RCAN1: variants seen among roughly 807,000 people sequenced by gnomAD.
RCAN1 encodes the protein calcipressin-1.
Under a neutral mutation model 22.9 loss-of-function variants are expected in RCAN1, and 11 were observed. The observed-to-expected ratio is 0.48, with a 90% CI of 0.30 to 0.79. The LOEUF is 0.79. Among genes scored for constraint, RCAN1 ranks in the 30% least tolerant of loss-of-function variants. RCAN1 has a pLI of 0.06. For missense variants in RCAN1, 291 were observed against 337.8 expected (o/e 0.86, Z 1.09); for synonymous variants, 136 against 142.3 (o/e 0.96, Z 0.32).
At chr21:34,543,376 C>T (rs74677780) in intron 1 of RCAN1, among the ~76,000 whole-genome samples, 22,560 of 152,004 alleles carry the variant, frequency 0.15, 1,733 homozygotes, top group African/African-American at 0.19. Context: ...AGCAGAGATT[C>T]GAGTGATATG....
At chr21:34,566,218 G>A (rs1357036391) in intron 1 of RCAN1, among the ~76,000 whole-genome samples, 2 of 152,134 alleles carry the variant, frequency 1.3e-5, no homozygotes, top group Non-Finnish European at 2.9e-5. Context: ...TTGCTTCTGG[G>A]CAAATGACTC....
chr21:34,576,179 C>T (rs1305045856), intron 1 of RCAN1, among the ~76,000 whole-genome samples: 2 of 152,198 alleles, frequency 1.3e-5, no homozygotes, highest in Non-Finnish European at 2.9e-5. Flanking sequence ...TTCTCTGATT[C>T]CATAATTGTC....
At chr21:34,572,915 T>C (rs920349572) in intron 1 of RCAN1, among the ~76,000 whole-genome samples, 1 of 152,122 alleles carries the variant, frequency 6.6e-6, no homozygotes, top group Non-Finnish European at 1.5e-5. Context: ...AAAGAACTCA[T>C]TATCACAAGA....
At position 34,614,708 on chromosome 21, in the gene RCAN1, G is replaced by A; in HGVS notation, c.252+52C>T. 1 of 1,368,594 alleles carries A rather than the reference G, an allele frequency of 7.3e-7. No individual in the cohort carries two copies. The highest frequency in any genetic ancestry group is 1.5e-5 in the South Asian group (1 of 68,532). The allele number at this position is 1,368,594 out of a possible 1,614,324, so 84.8% of individuals were successfully genotyped here. A position where few individuals can be genotyped will look rare whatever the true frequency, so the allele number is the denominator to read the frequency against. ...CGCTGCGACCCGCGCCGCCTCCTCGGGCAACAAGTGTCCGCCCTCCGCCCC... is the reference window on the plus strand; with the variant it reads ...CGCTGCGACCCGCGCCGCCTCCTCGAGCAACAAGTGTCCGCCCTCCGCCCC... On this transcript the variant is annotated intron_variant, in intron 1 of 3. Transcript: ENST00000313806. This position sits in a 1 kb window ranked among gnomAD's most constrained non-coding sequence, Gnocchi z 6.0.
intron 1 of RCAN1, among the ~76,000 whole-genome samples, chr21:34,591,142 G>A (rs920590301): frequency 7.9e-5 from 12 of 152,262 alleles, no homozygotes; most frequent in Admixed American, 2.6e-4. Context: ...TGCTAAATAC[G>A]TATTTATGCA....
chr21:34,603,758 G>A (rs1988437901), intron 1 of RCAN1, among the ~76,000 whole-genome samples: 1 of 152,206 alleles, frequency 6.6e-6, no homozygotes, highest in African/African-American at 2.4e-5. Context: ...CTGTAAGAAG[G>A]ATTCAAAGAG....
intron 1 of RCAN1, among the ~76,000 whole-genome samples, chr21:34,605,811 TC>T (rs1244068806): frequency 4.0e-5 from 6 of 151,398 alleles, no homozygotes; most frequent in Admixed American, 2.0e-4. Context: ...TCCCAGCTAT[TC>T]AGGAGGCCGA....
intron 1 of RCAN1, among the ~76,000 whole-genome samples, chr21:34,541,665 T>A (rs1001415526): frequency 6.6e-6 from 1 of 152,252 alleles, no homozygotes. Context: ...GCGGGAGCGA[T>A]GGCTCACGCC....
chr21:34,523,809 G>GCAAGAC, intron 1 of RCAN1, 99 bp from the exon 2 acceptor site: 8 of 969,318 alleles, frequency 8.3e-6, no homozygotes, highest in Non-Finnish European at 1.2e-5. Context: ...TCGAGACAGA[G>GCAAGAC]TCTTGCTCTG....
intron 1 of RCAN1, among the ~76,000 whole-genome samples, chr21:34,547,356 T>C (rs1188503815): frequency 6.6e-6 from 1 of 152,092 alleles, no homozygotes; most frequent in East Asian, 1.9e-4. Flanking sequence ...CTCACTGCCA[T>C]GTATGGGAAT....
chr21:34,596,532 G>C (rs1041895571), intron 1 of RCAN1, among the ~76,000 whole-genome samples: 1 of 152,178 alleles, frequency 6.6e-6, no homozygotes, highest in African/African-American at 2.4e-5. Context: ...CGAAGGCTCT[G>C]CTTTCTATAT....
chr21:34,602,947 T>C (rs945070688), intron 1 of RCAN1, among the ~76,000 whole-genome samples: 1 of 152,180 alleles, frequency 6.6e-6, no homozygotes, highest in Non-Finnish European at 1.5e-5. Flanking sequence ...CACGTTCCCC[T>C]ATTTGTATTC....
chr21:34,608,858 G>A (rs1988610685), intron 1 of RCAN1, among the ~76,000 whole-genome samples: 2 of 152,132 alleles, frequency 1.3e-5, no homozygotes, highest in Non-Finnish European at 2.9e-5. Flanking sequence ...GCATCGGTAG[G>A]ATAAATAGCT....
At chr21:34,555,468 G>A (rs117440731) in intron 1 of RCAN1, among the ~76,000 whole-genome samples, 1,649 of 152,030 alleles carry the variant, frequency 0.011, 62 homozygotes, top group East Asian at 0.11. Flanking sequence ...AGCACTGTGG[G>A]AGGCCAAGGC....
intron 1 of RCAN1, among the ~76,000 whole-genome samples, chr21:34,583,339 G>C (rs1183792773): frequency 6.6e-6 from 1 of 152,188 alleles, no homozygotes; most frequent in South Asian, 2.1e-4. Flanking sequence ...CACCATGCCT[G>C]GCTAATTTTG....
At chr21:34,535,506 A>T (rs1239556200) in intron 1 of RCAN1, among the ~76,000 whole-genome samples, 4 of 152,142 alleles carry the variant, frequency 2.6e-5, no homozygotes, top group Non-Finnish European at 5.9e-5. Flanking sequence ...AAGAATTCTA[A>T]ATCTGAAATA....
chr21:34,595,862 G>C (rs1424520339), intron 1 of RCAN1, among the ~76,000 whole-genome samples: 2 of 152,238 alleles, frequency 1.3e-5, no homozygotes, highest in Non-Finnish European at 2.9e-5. Context: ...CCCCCCGGCA[G>C]GGGTGGGACA....
chr21:34,521,799 G>T, intron 2 of RCAN1, 141 bp from the exon 3 acceptor site: 1 of 690,236 alleles, frequency 1.4e-6, no homozygotes, highest in Non-Finnish European at 2.4e-6. Flanking sequence ...CCAATTGTAA[G>T]ATGGTCTGTA....
At position 34,590,221 on chromosome 21, in the gene RCAN1, C is replaced by A. The variant is rs558991561; in HGVS notation, c.252+24539G>T. On this transcript the variant is annotated intron_variant, in intron 1 of 3. Coordinates refer to ENST00000313806, the MANE Select transcript of RCAN1 (RefSeq NM_004414.7). ...CCTCCAGGGCCCCATCAGCACCTCC[C>A]ATTATTGTTTACCACAGCCCCCATG... Among the ~76,000 whole-genome samples the A allele has an allele frequency of 2.0e-5, 3 of 152,336 alleles. No individual in the cohort carries two copies. The East Asian group carries it at 5.8e-4, about 29-fold the overall frequency.
Sources: allele counts gnomAD v4.1 joint callset (sites outside exome capture counted in the v4.1 genomes callset), GRCh38; gene constraint gnomAD v4.1.1; non-coding constraint Gnocchi (gnomAD v3.1); transcripts MANE v1.5; gene names NCBI Gene and HGNC (gene_info 2026-07-23, HGNC 2026-07-21).